RBFOX3: variants seen among roughly 807,000 people sequenced by gnomAD.
The protein encoded by RBFOX3 is RNA binding fox-1 homolog 3, also known as RNA binding protein fox-1 homolog 3.
In RBFOX3, 17 loss-of-function variants were observed where a neutral mutation model predicts 48.7. The observed-to-expected ratio is 0.35, with a 90% CI of 0.24 to 0.52. RBFOX3 has a LOEUF of 0.52. RBFOX3 is among the 20% of genes least tolerant of loss of function. RBFOX3 has a pLI of 0.94. For synonymous variants in RBFOX3, 212 were observed against 209.5 expected, an observed-to-expected ratio of 1.01 and a Z score of -0.10; for missense variants, 382 against 497.5, an observed-to-expected ratio of 0.77 and a Z score of 2.21.
At chr17:79,349,243 A>T (rs935513227) in intron 2 of RBFOX3, among the ~76,000 whole-genome samples, 4 of 151,574 alleles carry the variant, frequency 2.6e-5, no homozygotes, top group Admixed American at 6.6e-5. Flanking sequence ...CGTGCCTTCC[A>T]CTGAGCTGTG....
At chr17:79,495,543 G>A (rs1237356322) in intron 1 of RBFOX3, among the ~76,000 whole-genome samples, 1 of 18,884 alleles carries the variant, frequency 5.3e-5, no homozygotes, top group Non-Finnish European at 1.2e-4. Flanking sequence ...AGGGTGGGGA[G>A]GTGGGGGCAG....
intron 1 of RBFOX3, among the ~76,000 whole-genome samples, chr17:79,509,404 G>GGC: frequency 6.6e-6 from 1 of 152,092 alleles, no homozygotes; most frequent in East Asian, 2.0e-4. Flanking sequence ...AGGGGCCCAG[G>GGC]CTCCCACTCT....
chr17:79,286,946 G>A (rs1014652684), intron 3 of RBFOX3, among the ~76,000 whole-genome samples: 16 of 152,328 alleles, frequency 1.1e-4, no homozygotes, highest in East Asian at 5.8e-4. Flanking sequence ...CCCTATGTGC[G>A]TGTCAAGTGA....
chr17:79,505,740 T>G (rs1447660507), intron 1 of RBFOX3, among the ~76,000 whole-genome samples: 3 of 152,236 alleles, frequency 2.0e-5, no homozygotes, highest in Non-Finnish European at 4.4e-5. Context: ...TGCACTGCTC[T>G]GATGGTCCCC....
intron 1 of RBFOX3, among the ~76,000 whole-genome samples, chr17:79,578,516 C>T (rs922860875): frequency 7.2e-5 from 11 of 152,220 alleles, no homozygotes; most frequent in South Asian, 4.1e-4. Flanking sequence ...TGTGCCCTCC[C>T]TTGGAGGCAG....
intron 4 of RBFOX3, among the ~76,000 whole-genome samples, chr17:79,190,069 G>T (rs1415322847): frequency 1.3e-5 from 2 of 152,234 alleles, no homozygotes. Context: ...TTCAGCATCA[G>T]GGTCAACTCC....
At chr17:79,245,392 T>C (rs2063013716) in intron 3 of RBFOX3, among the ~76,000 whole-genome samples, 1 of 152,144 alleles carries the variant, frequency 6.6e-6, no homozygotes, top group Non-Finnish European at 1.5e-5. Context: ...TGGTTTTTCC[T>C]TTGATGTTTA....
intron 1 of RBFOX3, among the ~76,000 whole-genome samples, chr17:79,552,723 GT>G (rs1422190322): frequency 6.6e-6 from 1 of 152,134 alleles, no homozygotes; most frequent in African/African-American, 2.4e-5. Context: ...GGATTCTTAA[GT>G]TTTTTGCACA....
intron 12 of RBFOX3, among the ~76,000 whole-genome samples, chr17:79,096,217 G>A (rs566804764): frequency 6.6e-6 from 1 of 152,300 alleles, no homozygotes; most frequent in South Asian, 2.1e-4. Context: ...GGGGGAGAAA[G>A]GCCACCGGAC....
intron 1 of RBFOX3, among the ~76,000 whole-genome samples, chr17:79,567,329 G>A (rs1000271258): frequency 6.6e-6 from 1 of 151,778 alleles, no homozygotes; most frequent in Admixed American, 6.6e-5. Flanking sequence ...GATTATAGGT[G>A]CCCACCACTA....
Position 79,480,707 on chromosome 17 carries a change from C to T in RBFOX3, c.-175+1747G>A, listed in dbSNP as rs2149477773. On this transcript the variant is annotated intron_variant, in intron 2 of 14. Transcript: ENST00000693108. The surrounding 1 kb of genome is among the most constrained non-coding windows in gnomAD (Gnocchi z 4.8). ...TCTGGAACACTCTCCCCTCAGACAT[C>T]CTGGGGTCCTCCCTCCCTTCCTTCT... Among the ~76,000 whole-genome samples, 1 of 152,314 alleles carries T rather than the reference C, an allele frequency of 6.6e-6. No individual in the cohort carries two copies. Among genetic ancestry groups the T allele is most frequent in the Non-Finnish European group, 1.5e-5 (1 of 68,030 alleles).
intron 2 of RBFOX3, among the ~76,000 whole-genome samples, chr17:79,396,108 G>A (rs1358213980): frequency 6.6e-6 from 1 of 152,254 alleles, no homozygotes; most frequent in Non-Finnish European, 1.5e-5. Flanking sequence ...AACAGGGCAG[G>A]GTGCAAAGCC....
chr17:79,252,330 A>G lies in RBFOX3; in HGVS notation c.-73-16525T>C, dbSNP rs1460722523. ...TGTCTCCCAGACTGCTCTGTCCCAC[A>G]TGGCTGAGGCTCAGGGTCTTCTCCC... On this transcript the variant is annotated intron_variant, in intron 3 of 14. Coordinates refer to ENST00000693108, the MANE Select transcript of RBFOX3 (RefSeq NM_001350451.2). The surrounding 1 kb of genome is among the most constrained non-coding windows in gnomAD (Gnocchi z 4.0). Among the ~76,000 whole-genome samples the G allele has an allele frequency of 6.6e-6, 1 of 152,110 alleles. No homozygotes were observed. Among genetic ancestry groups the G allele is most frequent in the Non-Finnish European group, 1.5e-5 (1 of 68,022 alleles).
chr17:79,152,625 G>A (rs1192636837), intron 4 of RBFOX3, among the ~76,000 whole-genome samples: 1 of 152,244 alleles, frequency 6.6e-6, no homozygotes, highest in African/African-American at 2.4e-5. Context: ...GCTGGGAGAG[G>A]TGGAGGGTCC....
intron 2 of RBFOX3, among the ~76,000 whole-genome samples, chr17:79,394,903 C>T (rs1328642111): frequency 2.0e-5 from 3 of 152,192 alleles, no homozygotes; most frequent in Non-Finnish European, 4.4e-5. Flanking sequence ...GCAACACAGG[C>T]GCTCGGGGCG....
At chr17:79,574,014 G>A (rs1342195471) in intron 1 of RBFOX3, among the ~76,000 whole-genome samples, 1 of 152,202 alleles carries the variant, frequency 6.6e-6, no homozygotes, top group Non-Finnish European at 1.5e-5. Flanking sequence ...CCCAGGGGTG[G>A]GCTGCCCACT....
intron 1 of RBFOX3, among the ~76,000 whole-genome samples, chr17:79,578,377 G>T (rs891801994): frequency 1.3e-5 from 2 of 152,266 alleles, no homozygotes; most frequent in Non-Finnish European, 2.9e-5. Context: ...GAGGCAGGGT[G>T]CCCACTGCCT....
At chr17:79,643,652 C>G in the RBFOX3 span, among the ~76,000 whole-genome samples, 1 of 151,994 alleles carries the variant, frequency 6.6e-6, no homozygotes, top group African/African-American at 2.4e-5. Flanking sequence ...GGAAAATCCC[C>G]CAAATATTTG....
intron 4 of RBFOX3, among the ~76,000 whole-genome samples, chr17:79,119,590 T>A (rs943824399): frequency 2.0e-5 from 3 of 152,180 alleles, no homozygotes; most frequent in African/African-American, 7.2e-5. Context: ...TGGGCTCCAA[T>A]GTCCCCTCTT....
Sources: gnomAD v4.1 joint callset for allele counts (sites outside exome capture counted in the v4.1 genomes callset) on GRCh38, gnomAD v4.1.1 for gene constraint, Gnocchi (gnomAD v3.1) non-coding constraint, MANE v1.5 for transcripts, NCBI Gene and HGNC (gene_info 2026-07-23, HGNC 2026-07-21) for gene names.